Variants in ZHX2 observed in about 807,000 individuals in gnomAD.
ZHX2 encodes zinc fingers and homeoboxes 2.
Under a neutral mutation model 21.9 loss-of-function variants are expected in ZHX2, and 6 were observed. The ratio of observed to expected loss-of-function variants is 0.27; its 90% CI spans 0.15 to 0.54. ZHX2 has a LOEUF of 0.54. ZHX2 is among the 20% of genes least tolerant of loss of function. ZHX2 has a pLI of 0.95. For synonymous variants in ZHX2, 434 were observed against 437.1 expected (o/e 0.99, Z 0.09); for missense variants, 908 against 1,090.7 (o/e 0.83, Z 2.36).
intron 1 of ZHX2, among the ~76,000 whole-genome samples, chr8:122,793,693 A>C (rs188612630): frequency 7.3e-4 from 112 of 152,382 alleles, no homozygotes; most frequent in African/African-American, 2.4e-3. Flanking sequence ...TGTTGGTTAC[A>C]AAAATGATAG....
At chr8:122,927,389 G>T (rs1820884311) in intron 2 of ZHX2, among the ~76,000 whole-genome samples, 1 of 152,182 alleles carries the variant, frequency 6.6e-6, no homozygotes, top group African/African-American at 2.4e-5. Flanking sequence ...CAGATACTTG[G>T]GAGGCCGAGG....
intron 2 of ZHX2, among the ~76,000 whole-genome samples, chr8:122,911,546 G>A (rs568430317): frequency 6.6e-6 from 1 of 152,312 alleles, no homozygotes; most frequent in East Asian, 1.9e-4. Context: ...CAGAGTGGAA[G>A]CATAAAGGGA....
chr8:122,816,911 A>G (rs1181943493), intron 1 of ZHX2, among the ~76,000 whole-genome samples: 3 of 152,104 alleles, frequency 2.0e-5, no homozygotes, highest in Non-Finnish European at 4.4e-5. Context: ...TTCAGGGTGT[A>G]TGTTTGGCAG....
At chr8:122,836,635 G>A (rs1238039616) in intron 1 of ZHX2, among the ~76,000 whole-genome samples, 2 of 152,232 alleles carry the variant, frequency 1.3e-5, no homozygotes, top group Admixed American at 6.5e-5. Flanking sequence ...CCTGTAAACA[G>A]GAAGTGTCCT....
chr8:122,802,769 G>A (rs1409882353), intron 1 of ZHX2, among the ~76,000 whole-genome samples: 2 of 152,226 alleles, frequency 1.3e-5, no homozygotes, highest in African/African-American at 4.8e-5. Flanking sequence ...AAGTGAATGG[G>A]TTGTGTCCGT....
intron 2 of ZHX2, among the ~76,000 whole-genome samples, chr8:122,875,299 A>T (rs1241347439): frequency 5.9e-5 from 9 of 151,272 alleles, no homozygotes; most frequent in African/African-American, 2.2e-4. Flanking sequence ...TAAGAATGGT[A>T]TTGTATTTTT....
intron 2 of ZHX2, among the ~76,000 whole-genome samples, chr8:122,933,957 G>A (rs1338839650): frequency 6.6e-6 from 1 of 152,192 alleles, no homozygotes; most frequent in Non-Finnish European, 1.5e-5. Flanking sequence ...GATCACTTGA[G>A]CTCAGGAGTT....
In ZHX2 at chr8:122,951,317, T is replaced by G. The variant is rs751685687; in HGVS notation, c.-194T>G. ...ATATGATGCTTCCTGGTGTGTTTAG[T>G]GGTTGGTGCCATTCCAATTTTCTGT... On this transcript the variant is annotated 5_prime_UTR_variant, in exon 3 of 4. Coordinates refer to ENST00000314393, the MANE Select transcript of ZHX2 (RefSeq NM_014943.5). 1 of 588,370 alleles carries G rather than the reference T, an allele frequency of 1.7e-6. No homozygotes were observed. The highest frequency in any genetic ancestry group is 3.0e-5 in the Admixed American group (1 of 33,084). The allele number at this position is 588,370 out of a possible 1,614,324, so 36.4% of individuals were successfully genotyped here. A position where few individuals can be genotyped will look rare whatever the true frequency, so the allele number is the denominator to read the frequency against.
chr8:122,918,272 A>G lies in ZHX2; in HGVS notation c.-219-33020A>G, dbSNP rs76040820. Among the ~76,000 whole-genome samples, 1,129 of 152,322 alleles carry G rather than the reference A, an allele frequency of 7.4e-3. 8 individuals are homozygous for G. Among genetic ancestry groups the G allele is most frequent in the South Asian group, 0.035 (171 of 4,828 alleles). On this transcript the variant is annotated intron_variant, in intron 2 of 3. Transcript: ENST00000314393. ...GTCATTCCAATCGTTCAACATTTTT[A>G]TTAGGCACCCATGTGTGCCAGGCAC...
intron 2 of ZHX2, among the ~76,000 whole-genome samples, chr8:122,950,602 C>G (rs539804570): frequency 6.6e-6 from 1 of 152,058 alleles, no homozygotes; most frequent in African/African-American, 2.4e-5. Flanking sequence ...TTAAAAAAGT[C>G]CAATGGCTGA....
At position 122,782,419 on chromosome 8, in the gene ZHX2, C is replaced by T. The variant is rs1817306590; in HGVS notation, c.-283+473C>T. Among the ~76,000 whole-genome samples, 1 of 152,122 alleles carries T rather than the reference C, an allele frequency of 6.6e-6. No homozygotes were observed. The highest frequency in any genetic ancestry group is 2.1e-4 in the South Asian group (1 of 4,826). ...GCCAAACTGCGGCGCTTTGTGCAAA[C>T]GGGGCAGGTCCCGCGGGGACTCCAC... On this transcript the variant is annotated intron_variant, in intron 1 of 3. Coordinates refer to ENST00000314393, the MANE Select transcript of ZHX2 (RefSeq NM_014943.5). This position sits in a 1 kb window ranked among gnomAD's most constrained non-coding sequence, Gnocchi z 5.3.
At chr8:122,874,724 A>G (rs934426070) in intron 2 of ZHX2, among the ~76,000 whole-genome samples, 1 of 152,188 alleles carries the variant, frequency 6.6e-6, no homozygotes, top group Non-Finnish European at 1.5e-5. Flanking sequence ...TATCTCCAAG[A>G]TAATATCCAC....
chr8:122,967,979 T>G (rs1813625680), intron 3 of ZHX2, among the ~76,000 whole-genome samples: 1 of 152,092 alleles, frequency 6.6e-6, no homozygotes, highest in African/African-American at 2.4e-5. Context: ...TAGGCGAGTC[T>G]GAGCTCAGAC....
chr8:122,949,442 T>A (rs1406165513), intron 2 of ZHX2, among the ~76,000 whole-genome samples: 1 of 152,168 alleles, frequency 6.6e-6, no homozygotes, highest in Non-Finnish European at 1.5e-5. Flanking sequence ...ACTGAATGTC[T>A]AAATAAAAAT....
chr8:122,926,125 T>G lies in ZHX2; in HGVS notation c.-219-25167T>G, dbSNP rs182781573. ...TGGCCAGCCTGAAACCAGTGCTGCTTAAGCTGGGCTGCTCCCTGGAACTGT... is the reference window on the plus strand; with the variant it reads ...TGGCCAGCCTGAAACCAGTGCTGCTGAAGCTGGGCTGCTCCCTGGAACTGT... On this transcript the variant is annotated intron_variant, in intron 2 of 3. Transcript: ENST00000314393. 5.9e-4 allele frequency among the ~76,000 whole-genome samples: 90 copies of G among 152,322 alleles called. 1 individual carries two copies. Among genetic ancestry groups the G allele is most frequent in the Non-Finnish European group, 4.4e-5 (3 of 68,024 alleles).
At chr8:122,825,638 A>G (rs1490204607) in intron 1 of ZHX2, among the ~76,000 whole-genome samples, 1 of 152,086 alleles carries the variant, frequency 6.6e-6, no homozygotes, top group East Asian at 1.9e-4. Context: ...AGAGTCCATG[A>G]CCTCTAAGTT....
At chr8:122,786,767 A>G (rs552535634) in intron 1 of ZHX2, among the ~76,000 whole-genome samples, 20 of 147,266 alleles carry the variant, frequency 1.4e-4, no homozygotes, top group Admixed American at 4.8e-4. Context: ...AGTCCGTACC[A>G]CACATCAGGT....
intron 2 of ZHX2, among the ~76,000 whole-genome samples, chr8:122,943,372 G>A (rs569111760): frequency 8.9e-4 from 135 of 152,328 alleles, no homozygotes; most frequent in Non-Finnish European, 1.6e-3. Context: ...CGTAAAGTTC[G>A]TATCCCAGTT....
At chr8:122,841,716 C>G (rs748644549) in intron 1 of ZHX2, among the ~76,000 whole-genome samples, 2 of 152,188 alleles carry the variant, frequency 1.3e-5, no homozygotes, top group African/African-American at 2.4e-5. Flanking sequence ...CCTCCCTTTC[C>G]TCCCAAGCCC....
Sources: allele counts gnomAD v4.1 joint callset (sites outside exome capture counted in the v4.1 genomes callset), GRCh38; gene constraint gnomAD v4.1.1; non-coding constraint Gnocchi (gnomAD v3.1); transcripts MANE v1.5; gene names NCBI Gene and HGNC (gene_info 2026-07-23, HGNC 2026-07-21).